The following RNF228 variants were observed in gnomAD, a reference collection of about 807,000 sequenced individuals.
The protein encoded by RNF228 is ring finger protein 228.
At chr2:222,318,201 G>C in the RNF228 span, 1 of 152,260 alleles carries the variant, frequency 6.6e-6, no homozygotes, top group Non-Finnish European at 1.5e-5. Context: ...CTTCCTGGCA[G>C]TAACACCGTG....
chr2:222,316,502 T>C, the RNF228 span, among the ~76,000 whole-genome samples: 10 of 152,336 alleles, frequency 6.6e-5, no homozygotes, highest in Non-Finnish European at 1.3e-4. Context: ...TTCTCAGTTA[T>C]GAGGAATCTT....
At chr2:222,314,426 T>C in the RNF228 span, among the ~76,000 whole-genome samples, 2 of 152,240 alleles carry the variant, frequency 1.3e-5, no homozygotes, top group African/African-American at 4.8e-5. Flanking sequence ...CTAACATTCA[T>C]TTCAGAAATA....
the RNF228 span, among the ~76,000 whole-genome samples, chr2:222,320,010 G>A: frequency 6.6e-6 from 1 of 152,150 alleles, no homozygotes; most frequent in Non-Finnish European, 1.5e-5. Context: ...CCGGCTCCCG[G>A]GGCTGCTGCT....
chr2:222,315,520 G>A, the RNF228 span, among the ~76,000 whole-genome samples: 4 of 152,206 alleles, frequency 2.6e-5, no homozygotes, highest in East Asian at 3.9e-4. Flanking sequence ...ATAAAAGCAA[G>A]GTCCATATAG....
At chr2:222,317,258 T>G in the RNF228 span, 1 of 152,222 alleles carries the variant, frequency 6.6e-6, no homozygotes, top group Non-Finnish European at 1.5e-5. Context: ...TATAAATACC[T>G]CTTGTTTTTA....
the RNF228 span, among the ~76,000 whole-genome samples, chr2:222,316,976 T>C: frequency 6.6e-6 from 1 of 152,218 alleles, no homozygotes; most frequent in Non-Finnish European, 1.5e-5. Context: ...TTAGTTTTAG[T>C]GGACATTGTG....
the RNF228 span, chr2:222,319,221 G>T: frequency 6.2e-6 from 2 of 323,728 alleles, no homozygotes; most frequent in Non-Finnish European, 1.1e-5. The surrounding 1 kb of genome is among the most constrained non-coding windows in gnomAD (Gnocchi z 7.6). Flanking sequence ...CACGGGCGAG[G>T]GCGAGGGCGA....
At chr2:222,319,769 AGCGGCGGCGGCG>A in the RNF228 span, among the ~76,000 whole-genome samples, 2 of 140,400 alleles carry the variant, frequency 1.4e-5, no homozygotes, top group South Asian at 4.4e-4. The surrounding 1 kb of genome is among the most constrained non-coding windows in gnomAD (Gnocchi z 7.6). Flanking sequence ...GCGCGGCGGC[AGCGGCGGCGGCG>A]GCGGCGGCGC....
chr2:222,316,744 AC>A, the RNF228 span, among the ~76,000 whole-genome samples: 1 of 152,236 alleles, frequency 6.6e-6, no homozygotes, highest in Non-Finnish European at 1.5e-5. Flanking sequence ...ATACATATAT[AC>A]ATGTGTAGCT....
the RNF228 span, among the ~76,000 whole-genome samples, chr2:222,315,666 G>T: frequency 2.6e-5 from 4 of 152,148 alleles, no homozygotes; most frequent in South Asian, 6.2e-4. Flanking sequence ...CTCAAAGGAG[G>T]TTAAATGATT....
the RNF228 span, among the ~76,000 whole-genome samples, chr2:222,319,734 G>GGCGGCGGGC: frequency 2.7e-5 from 4 of 145,862 alleles, no homozygotes; most frequent in Non-Finnish European, 4.6e-5. This position sits in a 1 kb window ranked among gnomAD's most constrained non-coding sequence, Gnocchi z 7.6. Flanking sequence ...GCAGAGCCAG[G>GGCGGCGGGC]GCGGCGGGCG....
the RNF228 span, chr2:222,318,836 G>A: frequency 6.6e-6 from 1 of 152,596 alleles, no homozygotes; most frequent in African/African-American, 2.4e-5. Flanking sequence ...CGAAGGGCGA[G>A]GGGCGACAGA....
the RNF228 span, chr2:222,319,260 GC>G: frequency 3.0e-6 from 1 of 335,726 alleles, no homozygotes. This position sits in a 1 kb window ranked among gnomAD's most constrained non-coding sequence, Gnocchi z 7.6. Flanking sequence ...GCCAGGGGGC[GC>G]CCCGCCTCCG....
the RNF228 span, chr2:222,318,833 C>A: frequency 3.4e-3 from 492 of 143,428 alleles, 1 homozygote; most frequent in Non-Finnish European, 5.4e-3. Context: ...GCGCGAAGGG[C>A]GAGGGGCGAC....
At chr2:222,316,788 A>G in the RNF228 span, among the ~76,000 whole-genome samples, 2 of 152,262 alleles carry the variant, frequency 1.3e-5, no homozygotes, top group Admixed American at 6.5e-5. Context: ...TTTAGTGCAA[A>G]CAGAATCTTA....
chr2:222,315,387 A>G, the RNF228 span, among the ~76,000 whole-genome samples: 1 of 152,262 alleles, frequency 6.6e-6, no homozygotes, highest in South Asian at 2.1e-4. Flanking sequence ...TGCAAACAGT[A>G]TAACACATAT....
chr2:222,318,468 G>C, the RNF228 span: 1 of 152,236 alleles, frequency 6.6e-6, no homozygotes, highest in Non-Finnish European at 1.5e-5. Flanking sequence ...TTCCAGGACC[G>C]CTAGGAAGCA....
At chr2:222,317,735 C>G in the RNF228 span, 1 of 152,110 alleles carries the variant, frequency 6.6e-6, no homozygotes, top group Admixed American at 6.5e-5. Context: ...TCATATAATA[C>G]TTTCTAATAA....
the RNF228 span, among the ~76,000 whole-genome samples, chr2:222,315,881 T>G: frequency 6.6e-6 from 1 of 152,154 alleles, no homozygotes; most frequent in Admixed American, 6.5e-5. Flanking sequence ...AGCATGATGA[T>G]GAGTCTAACC....
Sources: allele counts gnomAD v4.1 joint callset (sites outside exome capture counted in the v4.1 genomes callset), GRCh38; gene constraint gnomAD v4.1.1; non-coding constraint Gnocchi (gnomAD v3.1); transcripts MANE v1.5; gene names NCBI Gene and HGNC (gene_info 2026-07-23, HGNC 2026-07-21).